PCDHGB1: variants seen among roughly 807,000 people sequenced by gnomAD.
PCDHGB1 encodes protocadherin gamma-B1.
Under a neutral mutation model 56.6 loss-of-function variants are expected in PCDHGB1, and 34 were observed. The ratio of observed to expected loss-of-function variants is 0.60; its 90% CI spans 0.46 to 0.80. The LOEUF is 0.80. PCDHGB1 is among the 30% of genes least tolerant of loss of function. The pLI is 0.00. For synonymous variants in PCDHGB1, 561 were observed against 505.9 expected (o/e 1.11, Z -1.46); for missense variants, 1,278 against 1,204.6 (o/e 1.06, Z -0.90).
At chr5:141,495,279 G>T (rs72790069) in intron 2 of PCDHGB1, among the ~76,000 whole-genome samples, 4 of 152,146 alleles carry the variant, frequency 2.6e-5, no homozygotes, top group Non-Finnish European at 5.9e-5. Context: ...CGGAGGAGGC[G>T]GTCCGCACTC....
chr5:141,479,606 T>TA (rs1315315740), intron 1 of PCDHGB1: 1 of 152,184 alleles, frequency 6.6e-6, no homozygotes, highest in Non-Finnish European at 1.5e-5. Context: ...GCCTAGGCAA[T>TA]ATAGGGAAAC....
At chr5:141,510,139 G>T (rs931012964) in intron 3 of PCDHGB1, among the ~76,000 whole-genome samples, 1 of 152,136 alleles carries the variant, frequency 6.6e-6, no homozygotes, top group Non-Finnish European at 1.5e-5. Context: ...CTGGGCTAGT[G>T]GTGTGCACCT....
In PCDHGB1 at chr5:141,477,669, T is replaced by C; in HGVS notation, c.2410-17138T>C. Reference sequence around the variant, plus strand: ...TTCACAATAAATCGTGACAATGGCATAGTGTCATCCTTAGTGCCCCTAGAC... The same window carrying C: ...TTCACAATAAATCGTGACAATGGCACAGTGTCATCCTTAGTGCCCCTAGAC... On this transcript the variant is annotated intron_variant, in intron 1 of 3. Coordinates refer to ENST00000523390, the MANE Select transcript of PCDHGB1 (RefSeq NM_018922.3). This position sits in a 1 kb window ranked among gnomAD's most constrained non-coding sequence, Gnocchi z 4.9. 6.2e-7 allele frequency: 1 copy of C among 1,614,200 alleles called. No individual in the cohort carries two copies. Among genetic ancestry groups the C allele is most frequent in the Non-Finnish European group, 8.5e-7 (1 of 1,180,030 alleles).
At chr5:141,370,664 A>G (rs1369327412) in intron 1 of PCDHGB1, 3 of 1,613,920 alleles carry the variant, frequency 1.9e-6, no homozygotes, top group South Asian at 1.1e-5. Flanking sequence ...GCGACCGTAT[A>G]GACCGAGAGG....
At chr5:141,496,760 G>A (rs144857340) in intron 2 of PCDHGB1, among the ~76,000 whole-genome samples, 4 of 152,108 alleles carry the variant, frequency 2.6e-5, no homozygotes, top group East Asian at 1.9e-4. Context: ...AATATTTATC[G>A]AGCATCTACT....
intron 1 of PCDHGB1, 39 bp downstream of exon 1, chr5:141,352,708 G>C: frequency 6.5e-7 from 1 of 1,543,660 alleles, no homozygotes; most frequent in Non-Finnish European, 8.7e-7. Context: ...TATATATGGC[G>C]GCCGGGCGCG....
chr5:141,369,529 T>C (rs1766316708), intron 1 of PCDHGB1, among the ~76,000 whole-genome samples: 1 of 152,170 alleles, frequency 6.6e-6, no homozygotes, highest in South Asian at 2.1e-4. Flanking sequence ...TCAATCATAC[T>C]TATTTAATTA....
At chr5:141,369,704 C>T (rs1256951546) in intron 1 of PCDHGB1, among the ~76,000 whole-genome samples, 1 of 152,224 alleles carries the variant, frequency 6.6e-6, no homozygotes, top group Non-Finnish European at 1.5e-5. Context: ...AAAGCTATGA[C>T]ATTATAACTT....
At chr5:141,390,611 C>A (rs1248320569) in intron 1 of PCDHGB1, 1 of 295,950 alleles carries the variant, frequency 3.4e-6, no homozygotes, top group Admixed American at 4.8e-5. Context: ...CATTTTCCTT[C>A]TTGTTGACTA....
At chr5:141,508,499 C>T (rs1425054102) in intron 3 of PCDHGB1, among the ~76,000 whole-genome samples, 7 of 152,212 alleles carry the variant, frequency 4.6e-5, no homozygotes, top group Non-Finnish European at 1.0e-4. Flanking sequence ...CATATCTTCT[C>T]TCCCTCCTGG....
intron 1 of PCDHGB1, chr5:141,398,849 T>G: frequency 6.2e-7 from 1 of 1,613,874 alleles, no homozygotes; most frequent in Admixed American, 1.7e-5. Flanking sequence ...AATCCCCCGG[T>G]ATTCAACCGA....
intron 1 of PCDHGB1, chr5:141,372,659 T>A: frequency 6.2e-7 from 1 of 1,614,058 alleles, no homozygotes; most frequent in Non-Finnish European, 8.5e-7. Context: ...ACAATCCGTG[T>A]GCTGCCTCAC....
Position 141,432,224 on chromosome 5 carries a change from T to C in PCDHGB1, c.2410-62583T>C. On this transcript the variant is annotated intron_variant, in intron 1 of 3. Transcript: ENST00000523390. The surrounding 1 kb of genome is among the most constrained non-coding windows in gnomAD (Gnocchi z 6.0). The stretch of plus-strand genomic sequence containing the variant: ...CTGTGAAGAGAACGCCCAGATCACT[T>C]ATTCCCTGGCTGAGAACACCATCCA... 6.2e-7 allele frequency: 1 copy of C among 1,614,138 alleles called. No homozygotes were observed. Among genetic ancestry groups the C allele is most frequent in the Non-Finnish European group, 8.5e-7 (1 of 1,180,024 alleles).
chr5:141,352,453 TG>T lies in PCDHGB1; in HGVS notation c.2196del (p.Val735PhefsTer32). On this transcript the variant is annotated frameshift_variant, in exon 1 of 4. Coordinates refer to ENST00000523390, the MANE Select transcript of PCDHGB1 (RefSeq NM_018922.3). LOFTEE classifies it high-confidence loss of function. ...TTCAAACCGGTCTCTGCTCCAAGTC[TG>T]GGCCCGGGGTTCCTCCCAACCACAG... is the stretch of plus-strand genomic sequence containing the variant. The part of the protein sequence containing the change: ...CFQTGLCSKS[G>X]PGVPPNHSEG... The T allele has an allele frequency of 4.3e-6, 7 of 1,614,032 alleles. No individual in the cohort carries two copies. Among genetic ancestry groups the T allele is most frequent in the Non-Finnish European group, 5.9e-6 (7 of 1,179,898 alleles).
At chr5:141,447,549 A>T (rs1387130901) in intron 1 of PCDHGB1, among the ~76,000 whole-genome samples, 1 of 152,216 alleles carries the variant, frequency 6.6e-6, no homozygotes, top group Non-Finnish European at 1.5e-5. Context: ...TAATGTTATG[A>T]GTACACTTGG....
At chr5:141,501,290 TACACACACACACACACACACACACAC>T (rs55762287) in intron 2 of PCDHGB1, among the ~76,000 whole-genome samples, 1 of 136,164 alleles carries the variant, frequency 7.3e-6, no homozygotes, top group Non-Finnish European at 1.6e-5. Flanking sequence ...TATTCCCTTA[TACACACACACACACACACACACACAC>T]ACACACACAC....
At position 141,477,130 on chromosome 5, in the gene PCDHGB1, G is replaced by C; in HGVS notation, c.2410-17677G>C. On this transcript the variant is annotated intron_variant, in intron 1 of 3. Coordinates refer to ENST00000523390, the MANE Select transcript of PCDHGB1 (RefSeq NM_018922.3). The surrounding 1 kb of genome is among the most constrained non-coding windows in gnomAD (Gnocchi z 4.9). ...ATCCCGAAGGAGCACATTGCAAAGT[G>C]TTGGTGGAGGTTGTGGATGTGAATG... 6.2e-7 allele frequency: 1 copy of C among 1,614,252 alleles called. No individual in the cohort carries two copies. The highest frequency in any genetic ancestry group is 2.2e-5 in the East Asian group (1 of 44,888).
chr5:141,365,097 C>T (rs1763734709), intron 1 of PCDHGB1: 6 of 1,613,888 alleles, frequency 3.7e-6, no homozygotes, highest in East Asian at 2.2e-5. Flanking sequence ...GAGAACATAC[C>T]TGTGGGCACT....
rs76381401 is a variant in PCDHGB1, at chr5:141,399,054, G to A, written c.2409+46385G>A. 4.7e-4 allele frequency: 759 copies of A among 1,613,694 alleles called. 3 individuals are homozygous for A. The African/African-American group carries it at 8.4e-3, about 18-fold the overall frequency. ...AGAAACTGGATTTTGAAGAGACCAAGGAATATTCAATGGTTGTAGAAGGGA... is the reference window on the plus strand; with the variant it reads ...AGAAACTGGATTTTGAAGAGACCAAAGAATATTCAATGGTTGTAGAAGGGA... On this transcript the variant is annotated intron_variant, in intron 1 of 3. Coordinates refer to ENST00000523390, the MANE Select transcript of PCDHGB1 (RefSeq NM_018922.3).
Sources: allele counts gnomAD v4.1 joint callset (sites outside exome capture counted in the v4.1 genomes callset), GRCh38; gene constraint gnomAD v4.1.1; non-coding constraint Gnocchi (gnomAD v3.1); transcripts MANE v1.5; gene names NCBI Gene and HGNC (gene_info 2026-07-23, HGNC 2026-07-21).